The following MGAT4C variants were observed in gnomAD, a reference collection of about 807,000 sequenced individuals.
MGAT4C encodes MGAT4 family member C, also known as alpha-1,3-mannosyl-glycoprotein 4-beta-N-acetylglucosaminyltransferase C.
In MGAT4C, 19 loss-of-function variants were observed where a neutral mutation model predicts 40.1. The observed-to-expected ratio is 0.47, with a 90% CI of 0.33 to 0.70. The LOEUF (loss-of-function observed/expected upper bound fraction) is 0.70. MGAT4C is among the 30% of genes least tolerant of loss of function. The probability of loss-of-function intolerance (pLI) is 0.02; values close to 1 mark genes in which losing one functional copy is unlikely to be tolerated. For synonymous variants in MGAT4C, 181 were observed against 187.1 expected (o/e 0.97, Z 0.27); for missense variants, 491 against 563.2 (o/e 0.87, Z 1.30).
intron 2 of MGAT4C, among the ~76,000 whole-genome samples, chr12:86,568,867 A>T (rs562051729): frequency 1.1e-4 from 17 of 152,066 alleles, no homozygotes; most frequent in Non-Finnish European, 2.2e-4. Flanking sequence ...GGAAAACGGG[A>T]AATCCATATG....
chr12:86,233,387 G>T (rs1308511089), intron 1 of MGAT4C, among the ~76,000 whole-genome samples: 1 of 152,194 alleles, frequency 6.6e-6, no homozygotes, highest in African/African-American at 2.4e-5. Context: ...CAGACACTTT[G>T]ATGCTAATGA....
At chr12:86,193,715 TA>T (rs1420720377) in intron 1 of MGAT4C, among the ~76,000 whole-genome samples, 9 of 152,212 alleles carry the variant, frequency 5.9e-5, no homozygotes, top group African/African-American at 2.2e-4. Context: ...GCTTATGTTA[TA>T]AAGTCAGCTA....
At chr12:86,565,500 C>T (rs564581119) in intron 2 of MGAT4C, among the ~76,000 whole-genome samples, 2 of 152,312 alleles carry the variant, frequency 1.3e-5, no homozygotes, top group East Asian at 3.9e-4. Context: ...AAAGAGAAGT[C>T]TTTCCAGTGG....
intron 1 of MGAT4C, among the ~76,000 whole-genome samples, chr12:86,229,137 C>A (rs1951213383): frequency 1.3e-5 from 2 of 151,678 alleles, no homozygotes; most frequent in South Asian, 4.1e-4. Flanking sequence ...AAATAAATAA[C>A]AAAGTTAAAA....
At chr12:86,708,277 C>T (rs559345982) in intron 2 of MGAT4C, among the ~76,000 whole-genome samples, 2 of 152,342 alleles carry the variant, frequency 1.3e-5, no homozygotes, top group South Asian at 2.1e-4. Flanking sequence ...CAAGCCTTGG[C>T]AGCTTCCAAG....
chr12:86,806,321 A>T (rs1217430653), intron 1 of MGAT4C, among the ~76,000 whole-genome samples: 1 of 151,968 alleles, frequency 6.6e-6, no homozygotes, highest in Non-Finnish European at 1.5e-5. Flanking sequence ...CACTTTATCC[A>T]GTTTCTCACA....
At chr12:86,254,037 C>T (rs1184885289) in intron 1 of MGAT4C, among the ~76,000 whole-genome samples, 1 of 151,750 alleles carries the variant, frequency 6.6e-6, no homozygotes, top group East Asian at 1.9e-4. Flanking sequence ...TCCATCTCTT[C>T]TTAATACTGG....
At chr12:86,177,701 T>A (rs1162915301) in intron 1 of MGAT4C, among the ~76,000 whole-genome samples, 2 of 152,080 alleles carry the variant, frequency 1.3e-5, no homozygotes, top group Non-Finnish European at 2.9e-5. Flanking sequence ...GAAAAGGGAT[T>A]TGTGAAAACA....
At chr12:86,053,566 G>A (rs1481585606) in intron 1 of MGAT4C, among the ~76,000 whole-genome samples, 3 of 151,542 alleles carry the variant, frequency 2.0e-5, no homozygotes, top group Non-Finnish European at 4.4e-5. Context: ...AGAAACCAAA[G>A]CAAAAAATAG....
intron 2 of MGAT4C, among the ~76,000 whole-genome samples, chr12:86,658,315 A>G (rs1963897448): frequency 6.6e-6 from 1 of 152,102 alleles, no homozygotes; most frequent in African/African-American, 2.4e-5. Context: ...TGGATCTGAC[A>G]AAGTGTTTAG....
chr12:86,512,850 T>C (rs369780059), intron 2 of MGAT4C, among the ~76,000 whole-genome samples: 25 of 152,278 alleles, frequency 1.6e-4, no homozygotes, highest in African/African-American at 6.0e-4. Context: ...TTCAAAGATT[T>C]GCTGTATTTC....
chr12:86,409,086 T>C (rs1956549957), intron 3 of MGAT4C, among the ~76,000 whole-genome samples: 1 of 152,150 alleles, frequency 6.6e-6, no homozygotes, highest in Non-Finnish European at 1.5e-5. Flanking sequence ...AAAATTAATC[T>C]ACTTTATTAC....
Position 86,416,542 on chromosome 12 carries a change from T to G in MGAT4C, c.-120+18615A>C, listed in dbSNP as rs372172577. Among the ~76,000 whole-genome samples, 14 of 152,168 alleles carry G rather than the reference T, an allele frequency of 9.2e-5. No homozygotes were observed. The East Asian group carries it at 9.7e-4, about 11-fold the overall frequency. On this transcript the variant is annotated intron_variant, in intron 3 of 7. Coordinates refer to the MGAT4C transcript ENST00000548651. ...CAATCTTATTAGTTTCAAAAATGTTTCTAGACTAAATGCTCACATTTGGCC... is the reference window on the plus strand; with the variant it reads ...CAATCTTATTAGTTTCAAAAATGTTGCTAGACTAAATGCTCACATTTGGCC...
intron 1 of MGAT4C, among the ~76,000 whole-genome samples, chr12:86,834,149 GATCT>G (rs1313702927): frequency 6.7e-6 from 1 of 149,786 alleles, no homozygotes; most frequent in Non-Finnish European, 1.5e-5. Flanking sequence ...TATACTTACA[GATCT>G]ATCTATAGAT....
intron 3 of MGAT4C, among the ~76,000 whole-genome samples, chr12:86,381,258 C>T (rs951328159): frequency 6.6e-6 from 1 of 152,080 alleles, no homozygotes; most frequent in Middle Eastern, 3.4e-3. Flanking sequence ...TATGCAGTCA[C>T]CAAAAGAGCT....
At chr12:86,829,377 G>A (rs1308657956) in intron 1 of MGAT4C, among the ~76,000 whole-genome samples, 1 of 151,376 alleles carries the variant, frequency 6.6e-6, no homozygotes, top group Non-Finnish European at 1.5e-5. Flanking sequence ...CAACCATTAG[G>A]CTTTGTCATC....
At chr12:86,486,489 A>T (rs760547263) in intron 2 of MGAT4C, among the ~76,000 whole-genome samples, 3 of 152,040 alleles carry the variant, frequency 2.0e-5, no homozygotes, top group Admixed American at 6.6e-5. Flanking sequence ...CAAGAAGGAA[A>T]AAAAAGGGAT....
intron 2 of MGAT4C, among the ~76,000 whole-genome samples, chr12:85,999,958 T>C (rs1347137964): frequency 6.6e-6 from 1 of 152,160 alleles, no homozygotes; most frequent in Non-Finnish European, 1.5e-5. Flanking sequence ...TTAGGGTGAC[T>C]ACAGCTAATA....
At chr12:86,631,197 A>G (rs1003500648) in intron 2 of MGAT4C, among the ~76,000 whole-genome samples, 4 of 152,054 alleles carry the variant, frequency 2.6e-5, no homozygotes, top group Admixed American at 6.6e-5. Flanking sequence ...CAACTTACAA[A>G]GGATGTGAAG....
Sources: allele counts gnomAD v4.1 joint callset (sites outside exome capture counted in the v4.1 genomes callset), GRCh38; gene constraint gnomAD v4.1.1; transcripts MANE v1.5; gene names NCBI Gene and HGNC (gene_info 2026-07-23, HGNC 2026-07-21).